Variants in PCDH11X observed in about 807,000 individuals in gnomAD.
PCDH11X encodes the protein protocadherin 11 X-linked, also known as protocadherin-11 X-linked.
Under a neutral mutation model 53.3 loss-of-function variants are expected in PCDH11X, and 18 were observed. The ratio of observed to expected loss-of-function variants is 0.34; its 90% CI spans 0.23 to 0.50. The LOEUF is 0.50. Among genes scored for constraint, PCDH11X ranks in the 20% least tolerant of loss-of-function variants. PCDH11X has a pLI of 0.98. For synonymous variants in PCDH11X, 279 were observed against 393.3 expected, an observed-to-expected ratio of 0.71 and a Z score of 3.44; for missense variants, 570 against 1,032.4, an observed-to-expected ratio of 0.55 and a Z score of 6.14.
chrX:91,807,025 C>T (rs1292593733), intron 1 of PCDH11X, among the ~76,000 whole-genome samples: 2 of 110,944 alleles, frequency 1.8e-5, no homozygotes, highest in Non-Finnish European at 3.8e-5. Context: ...AGAAATATCT[C>T]CATAAACCAT....
At position 92,061,788 on chromosome X, in the gene PCDH11X, TTTTG is replaced by T. The variant is rs745394870; in HGVS notation, c.3034-139571_3034-139568del. On this transcript the variant is annotated intron_variant, in intron 6 of 10. Coordinates refer to ENST00000682573, the MANE Select transcript of PCDH11X (RefSeq NM_032968.5). Reference sequence around the variant, plus strand: ...TTGCCTTGGCTATTTGGGTTGATTTTTTTGTTTGTTTGTTTGTTTTTTAGTTTCA... The same window carrying T: ...TTGCCTTGGCTATTTGGGTTGATTTTTTTGTTTGTTTGTTTTTTAGTTTCA... Among the ~76,000 whole-genome samples the T allele has an allele frequency of 2.2e-4, 25 of 111,508 alleles. No homozygotes were observed. The Middle Eastern group carries it at 0.014, about 61-fold the overall frequency.
At position 92,618,666 on chromosome X, in the gene PCDH11X, A is replaced by G. The variant is rs764520444; in HGVS notation, c.3770A>G (p.His1257Arg). 8.3e-7 allele frequency: 1 copy of G among 1,210,740 alleles called. No homozygotes were observed. The highest frequency in any genetic ancestry group is 1.7e-5 in the African/African-American group (1 of 57,446). Residue 1257 changes from histidine to arginine, a missense_variant, in exon 11 of 11, where the codon CAC becomes CGC. This residue lies in a region of PCDH11X where 234 missense variants were observed against 296.1 expected (regional missense o/e 0.79). Transcript: ENST00000682573. ...PPLAQAAAIS[H>R]SSPLPQVIAL... is the part of the protein sequence containing the mutation. Reference sequence around the variant, plus strand: ...TTAGCACAGGCTGCTGCAATCAGCCACAGCTCTCCTCTGCCACAGGTTATT... The same window carrying G: ...TTAGCACAGGCTGCTGCAATCAGCCGCAGCTCTCCTCTGCCACAGGTTATT...
At chrX:91,915,631 G>A (rs142231902) in intron 6 of PCDH11X, among the ~76,000 whole-genome samples, 1,641 of 110,837 alleles carry the variant, frequency 0.015, 17 homozygotes, top group Non-Finnish European at 0.023. Flanking sequence ...TAGACCAACA[G>A]GAAAATACCA....
At chrX:91,930,560 T>C (rs183145920) in intron 6 of PCDH11X, among the ~76,000 whole-genome samples, 84 of 97,351 alleles carry the variant, frequency 8.6e-4, no homozygotes, top group Non-Finnish European at 1.5e-3. Context: ...TATATATACA[T>C]ACTATATATT....
At chrX:91,938,118 T>G (rs924573826) in intron 6 of PCDH11X, among the ~76,000 whole-genome samples, 3 of 111,502 alleles carry the variant, frequency 2.7e-5, no homozygotes, top group African/African-American at 9.7e-5. Flanking sequence ...CAACTTCCCT[T>G]TAATATCTGA....
At chrX:92,298,292 A>G (rs1006015166) in intron 8 of PCDH11X, among the ~76,000 whole-genome samples, 3 of 111,718 alleles carry the variant, frequency 2.7e-5, no homozygotes, top group Non-Finnish European at 5.6e-5. Flanking sequence ...TTTGTCATAG[A>G]TGACTCATAG....
chrX:92,056,506 C>A (rs1349114127), intron 6 of PCDH11X, among the ~76,000 whole-genome samples: 2 of 111,223 alleles, frequency 1.8e-5, no homozygotes, highest in East Asian at 5.7e-4. Flanking sequence ...TTGATAGTTT[C>A]TTTTGCTGTG....
intron 10 of PCDH11X, among the ~76,000 whole-genome samples, chrX:92,527,931 C>T (rs1048926265): frequency 8.9e-6 from 1 of 111,863 alleles, no homozygotes; most frequent in Non-Finnish European, 1.9e-5. Flanking sequence ...TGAAAGAGTA[C>T]ATGAGTGAAT....
intron 9 of PCDH11X, among the ~76,000 whole-genome samples, chrX:92,430,577 C>A (rs1191300782): frequency 2.1e-5 from 2 of 94,481 alleles, no homozygotes; most frequent in Non-Finnish European, 4.5e-5. Context: ...AATTTGCAAC[C>A]TCCATGAGAT....
chrX:92,582,707 C>A (rs2148788282), intron 10 of PCDH11X, among the ~76,000 whole-genome samples: 1 of 111,002 alleles, frequency 9.0e-6, no homozygotes, highest in East Asian at 2.9e-4. Flanking sequence ...AATAGTACAT[C>A]CACCAATAGC....
At chrX:92,276,538 G>A (rs1321847964) in intron 8 of PCDH11X, among the ~76,000 whole-genome samples, 1 of 110,661 alleles carries the variant, frequency 9.0e-6, no homozygotes, top group Non-Finnish European at 1.9e-5. Context: ...CCTGGGGGAG[G>A]AGGTTCTGGA....
chrX:91,970,711 G>A (rs1432239319), intron 6 of PCDH11X, among the ~76,000 whole-genome samples: 1 of 111,797 alleles, frequency 8.9e-6, no homozygotes, highest in Middle Eastern at 4.7e-3. Context: ...AATAAAGTTA[G>A]TTCTGATGAT....
At chrX:92,489,407 C>T (rs2073711802) in intron 10 of PCDH11X, among the ~76,000 whole-genome samples, 1 of 110,931 alleles carries the variant, frequency 9.0e-6, no homozygotes, top group Non-Finnish European at 1.9e-5. Flanking sequence ...TACTTAGAGA[C>T]ATACACCTAT....
intron 6 of PCDH11X, among the ~76,000 whole-genome samples, chrX:92,154,846 C>T (rs1447202402): frequency 1.0e-5 from 1 of 97,385 alleles, no homozygotes; most frequent in Non-Finnish European, 2.0e-5. Flanking sequence ...CCTACTCCTA[C>T]TCAATAAAAT....
At chrX:92,068,082 T>A (rs1194769420) in intron 6 of PCDH11X, among the ~76,000 whole-genome samples, 1 of 110,288 alleles carries the variant, frequency 9.1e-6, no homozygotes, top group Non-Finnish European at 1.9e-5. Flanking sequence ...TAAATTTTGA[T>A]TATATTTTCA....
At chrX:92,106,365 A>G (rs1204046333) in intron 6 of PCDH11X, among the ~76,000 whole-genome samples, 2 of 110,043 alleles carry the variant, frequency 1.8e-5, no homozygotes, top group African/African-American at 6.7e-5. Flanking sequence ...AATTCTGGCT[A>G]TGTTTACTCA....
At chrX:92,303,645 T>A (rs1056985114) in intron 8 of PCDH11X, among the ~76,000 whole-genome samples, 5 of 112,108 alleles carry the variant, frequency 4.5e-5, no homozygotes, top group African/African-American at 1.6e-4. Context: ...CCTGCAACTA[T>A]GTGTTTAAAT....
At chrX:91,972,144 C>T (rs2061969872) in intron 6 of PCDH11X, among the ~76,000 whole-genome samples, 1 of 104,270 alleles carries the variant, frequency 9.6e-6, no homozygotes, top group African/African-American at 3.5e-5. Flanking sequence ...GCCATTCTAA[C>T]TGGTGTGAGA....
At chrX:92,327,424 C>T (rs2069364015) in intron 8 of PCDH11X, among the ~76,000 whole-genome samples, 1 of 96,672 alleles carries the variant, frequency 1.0e-5, no homozygotes, top group Non-Finnish European at 2.1e-5. Context: ...CTGAGCTGTC[C>T]TCTAAAGCTT....
Sources: gnomAD v4.1 joint callset for allele counts (sites outside exome capture counted in the v4.1 genomes callset) on GRCh38, gnomAD v4.1.1 for gene constraint, gnomAD v4.1.1 regional missense constraint, MANE v1.5 for transcripts, NCBI Gene and HGNC (gene_info 2026-07-23, HGNC 2026-07-21) for gene names.